Variants in TMTC1 observed in about 807,000 individuals in gnomAD.
The protein encoded by TMTC1 is transmembrane O-mannosyltransferase targeting cadherins 1.
In TMTC1, 73 loss-of-function variants were observed where a neutral mutation model predicts 104.8. The ratio of observed to expected loss-of-function variants is 0.70; its 90% CI spans 0.58 to 0.85. The LOEUF is 0.85. Ranked by LOEUF, TMTC1 falls within the 40% of genes least tolerant of loss-of-function variation. The probability of loss-of-function intolerance (pLI) is 0.00; values close to 1 mark genes in which losing one functional copy is unlikely to be tolerated. For synonymous variants in TMTC1, 434 were observed against 428.7 expected, an observed-to-expected ratio of 1.01 and a Z score of -0.15; for missense variants, 1,035 against 1,096.1, an observed-to-expected ratio of 0.94 and a Z score of 0.79.
At chr12:29,678,810 A>C (rs1255485332) in intron 5 of TMTC1, among the ~76,000 whole-genome samples, 4 of 152,236 alleles carry the variant, frequency 2.6e-5, no homozygotes, top group Non-Finnish European at 4.4e-5. Flanking sequence ...CATTAAAAAA[A>C]CTATAACAGA....
intron 5 of TMTC1, among the ~76,000 whole-genome samples, chr12:29,716,159 C>G (rs561571376): frequency 7.9e-5 from 12 of 152,028 alleles, no homozygotes; most frequent in Admixed American, 6.6e-4. Flanking sequence ...GCTAAGAGCA[C>G]AGGTGCATAC....
intron 5 of TMTC1, among the ~76,000 whole-genome samples, chr12:29,663,233 A>T (rs1591887144): frequency 6.6e-6 from 1 of 152,166 alleles, no homozygotes; most frequent in African/African-American, 2.4e-5. Flanking sequence ...GGCCAACTCA[A>T]CCACGACCAC....
intron 6 of TMTC1, among the ~76,000 whole-genome samples, chr12:29,627,167 G>C (rs777367309): frequency 3.3e-5 from 5 of 152,122 alleles, no homozygotes; most frequent in African/African-American, 4.8e-5. Context: ...GAATGTAAAA[G>C]GCCAACCTAC....
chr12:29,603,448 C>A (rs149333072), intron 7 of TMTC1, among the ~76,000 whole-genome samples: 1 of 152,054 alleles, frequency 6.6e-6, no homozygotes, highest in African/African-American at 2.4e-5. Context: ...TTACTAAAAT[C>A]TCTATTGTAA....
At chr12:29,708,288 G>A (rs1280197342) in intron 5 of TMTC1, among the ~76,000 whole-genome samples, 2 of 152,210 alleles carry the variant, frequency 1.3e-5, no homozygotes, top group African/African-American at 4.8e-5. Context: ...AAATGAATGA[G>A]TGAATACAGC....
At chr12:29,704,970 G>C (rs1941699741) in intron 5 of TMTC1, among the ~76,000 whole-genome samples, 3 of 152,202 alleles carry the variant, frequency 2.0e-5, no homozygotes, top group African/African-American at 7.2e-5. Context: ...AGAAAAGCTA[G>C]AAAATGTGAG....
At chr12:29,514,662 T>A in intron 15 of TMTC1, 58 bp from the exon 16 acceptor site, 9 of 1,546,204 alleles carry the variant, frequency 5.8e-6, no homozygotes, top group Non-Finnish European at 7.0e-6. Context: ...AAAAACTTAT[T>A]TAACTGATCA....
At chr12:29,721,260 T>C (rs1258994855) in intron 5 of TMTC1, among the ~76,000 whole-genome samples, 2 of 152,124 alleles carry the variant, frequency 1.3e-5, no homozygotes, top group Non-Finnish European at 2.9e-5. Context: ...ATAGGATATA[T>C]GTCATGAGAG....
chr12:29,622,947 C>T (rs956249010), intron 6 of TMTC1, among the ~76,000 whole-genome samples: 3 of 152,184 alleles, frequency 2.0e-5, no homozygotes, highest in Non-Finnish European at 4.4e-5. Flanking sequence ...GAAACAATCT[C>T]TAAATTCATT....
At chr12:29,593,272 T>G (rs963793292) in intron 7 of TMTC1, among the ~76,000 whole-genome samples, 3 of 152,234 alleles carry the variant, frequency 2.0e-5, no homozygotes, top group African/African-American at 4.8e-5. Context: ...AATGAAATAA[T>G]GTATGTAAAC....
intron 5 of TMTC1, among the ~76,000 whole-genome samples, chr12:29,680,301 T>C (rs1024721781): frequency 1.3e-5 from 2 of 152,136 alleles, no homozygotes; most frequent in Non-Finnish European, 2.9e-5. Flanking sequence ...AGCTATCCAG[T>C]AGGAATGAGC....
At chr12:29,616,999 T>G (rs1427889555) in intron 6 of TMTC1, among the ~76,000 whole-genome samples, 1 of 152,066 alleles carries the variant, frequency 6.6e-6, no homozygotes, top group Admixed American at 6.5e-5. Context: ...AACCAATGAG[T>G]GGTCAATTAA....
At position 29,563,651 on chromosome 12, in the gene TMTC1, C is replaced by T. The variant is rs111782638; in HGVS notation, c.1533-6651G>A. ...TCAAGAGCTCTGCCATTGAGAAACA[C>T]TGTTTGTCCTTATGGAGTTGTCCTC... is the stretch of plus-strand genomic sequence containing the variant. On this transcript the variant is annotated intron_variant, in intron 9 of 17. Transcript: ENST00000539277. 4.9e-3 allele frequency among the ~76,000 whole-genome samples: 748 copies of T among 152,266 alleles called. 3 individuals carry two copies. Among genetic ancestry groups the T allele is most frequent in the Non-Finnish European group, 7.6e-3 (516 of 68,022 alleles).
At chr12:29,578,917 T>C (rs1220084953) in intron 8 of TMTC1, among the ~76,000 whole-genome samples, 3 of 152,330 alleles carry the variant, frequency 2.0e-5, no homozygotes, top group East Asian at 1.9e-4. Flanking sequence ...ATAGTACTTA[T>C]GGAATGCTTA....
rs772335591 is a variant in TMTC1 at position 29,557,004 on chromosome 12, A to G, written c.1533-4T>C. 1.2e-6 allele frequency: 2 copies of G among 1,613,664 alleles called. No individual in the cohort carries two copies. Among genetic ancestry groups the G allele is most frequent in the Non-Finnish European group, 1.7e-6 (2 of 1,179,894 alleles). On this transcript the variant is annotated splice_region_variant and splice_polypyrimidine_tract_variant and intron_variant, in intron 9 of 17. Transcript: ENST00000539277. Reference sequence around the variant, plus strand: ...ACTTGCATGGCGTGGATACAACCTGAAAAGTTAAAAATATTAAGCTGTGAT... The same window carrying G: ...ACTTGCATGGCGTGGATACAACCTGGAAAGTTAAAAATATTAAGCTGTGAT...
chr12:29,724,054 C>G (rs946772453), intron 5 of TMTC1, among the ~76,000 whole-genome samples: 5 of 152,096 alleles, frequency 3.3e-5, no homozygotes, highest in Non-Finnish European at 7.3e-5. Context: ...CTGACAAATT[C>G]TACTACATTA....
At chr12:29,679,779 GA>G (rs1279079473) in intron 5 of TMTC1, among the ~76,000 whole-genome samples, 1 of 152,092 alleles carries the variant, frequency 6.6e-6, no homozygotes, top group Non-Finnish European at 1.5e-5. Flanking sequence ...AAACAGGATA[GA>G]GAGGACTAGA....
chr12:29,628,724 C>T (rs1004651915), intron 6 of TMTC1, among the ~76,000 whole-genome samples: 2 of 152,008 alleles, frequency 1.3e-5, no homozygotes, highest in African/African-American at 4.8e-5. Context: ...GTAAGTGGTG[C>T]GATCTCGGCT....
rs573404248 is a variant in TMTC1, at chr12:29,574,091, G to A, written c.1419-1873C>T. ...CAGGGGCCATAGGGAGGAACAGAAG[G>A]ATTCGGGAGACATCCAGGAAGCAGA... On this transcript the variant is annotated intron_variant, in intron 8 of 17. Coordinates refer to ENST00000539277, the MANE Select transcript of TMTC1 (RefSeq NM_001193451.2). 9.9e-5 allele frequency among the ~76,000 whole-genome samples: 15 copies of A among 152,200 alleles called. No individual in the cohort carries two copies. The South Asian group carries it at 3.1e-3, about 32-fold the overall frequency.
Sources: gnomAD v4.1 joint callset for allele counts (sites outside exome capture counted in the v4.1 genomes callset) on GRCh38, gnomAD v4.1.1 for gene constraint, MANE v1.5 for transcripts, NCBI Gene and HGNC (gene_info 2026-07-23, HGNC 2026-07-21) for gene names.